ZNF536: variants seen among roughly 807,000 people sequenced by gnomAD.
ZNF536 encodes the protein zinc finger protein 536.
ZNF536 carries 13 observed loss-of-function variants against 84.5 expected under a neutral mutation model. The ratio of observed to expected loss-of-function variants is 0.15; its 90% CI spans 0.10 to 0.24. The LOEUF (loss-of-function observed/expected upper bound fraction) is 0.24. Among genes scored for constraint, ZNF536 ranks in the 10% least tolerant of loss-of-function variants. The pLI, the probability that ZNF536 is intolerant of heterozygous loss-of-function variation, is 1.00. For missense variants in ZNF536, 1,536 were observed against 1,747.5 expected (o/e 0.88, Z 2.16); for synonymous variants, 811 against 742.5 (o/e 1.09, Z -1.50).
chr19:30,552,699 C>A (rs542326843), intron 4 of ZNF536, among the ~76,000 whole-genome samples: 1 of 152,332 alleles, frequency 6.6e-6, no homozygotes, highest in African/African-American at 2.4e-5. Flanking sequence ...GTGTGCCCTG[C>A]CCATCCTAAC....
chr19:30,233,237 C>T (rs565325658), intron 1 of ZNF536, among the ~76,000 whole-genome samples: 2 of 152,292 alleles, frequency 1.3e-5, no homozygotes, highest in South Asian at 2.1e-4. Context: ...AGAACCCCAT[C>T]CCTGGCCCCT....
intron 1 of ZNF536, among the ~76,000 whole-genome samples, chr19:30,257,802 C>T (rs1271586794): frequency 6.6e-6 from 1 of 152,228 alleles, no homozygotes; most frequent in Non-Finnish European, 1.5e-5. Flanking sequence ...GGACCCATTG[C>T]AACTGGAGGA....
intron 1 of ZNF536, among the ~76,000 whole-genome samples, chr19:30,611,148 C>G (rs566074401): frequency 6.6e-6 from 1 of 152,246 alleles, no homozygotes; most frequent in African/African-American, 2.4e-5. Context: ...TCCTTCCAAA[C>G]CCTCTGGGGG....
At chr19:30,484,513 G>A (rs941392965) in intron 2 of ZNF536, among the ~76,000 whole-genome samples, 1 of 150,964 alleles carries the variant, frequency 6.6e-6, no homozygotes, top group Non-Finnish European at 1.5e-5. Flanking sequence ...TGGGATTACA[G>A]GCGTGAGCCA....
At chr19:30,284,363 C>G (rs757786566) in intron 2 of ZNF536, among the ~76,000 whole-genome samples, 15 of 152,232 alleles carry the variant, frequency 9.9e-5, no homozygotes, top group Non-Finnish European at 1.6e-4. Flanking sequence ...CCCCATGAGG[C>G]AAAGCCCAAC....
intron 1 of ZNF536, among the ~76,000 whole-genome samples, chr19:30,281,395 G>A (rs781427057): frequency 6.6e-6 from 1 of 152,184 alleles, no homozygotes; most frequent in Non-Finnish European, 1.5e-5. Flanking sequence ...CTCCAGCCCT[G>A]TCTCCACCAG....
At chr19:30,288,609 G>A (rs943713909) in intron 2 of ZNF536, among the ~76,000 whole-genome samples, 3 of 152,196 alleles carry the variant, frequency 2.0e-5, no homozygotes, top group Non-Finnish European at 4.4e-5. Flanking sequence ...CATAGCAAAG[G>A]TATAGGCTTT....
intron 1 of ZNF536, among the ~76,000 whole-genome samples, chr19:30,633,513 C>T (rs988350081): frequency 1.3e-5 from 2 of 152,082 alleles, no homozygotes; most frequent in African/African-American, 4.8e-5. Context: ...AACAAAAATT[C>T]AAATGTGTTC....
chr19:30,508,820 CTTTTTTTTTTT>C (rs914349353), intron 2 of ZNF536, among the ~76,000 whole-genome samples: 3 of 68,794 alleles, frequency 4.4e-5, no homozygotes, highest in East Asian at 4.0e-4. Context: ...TTCTTTCTTT[CTTTTTTTTTTT>C]TTTTTTTTTT....
At chr19:30,420,694 G>A (rs2050917000) in intron 1 of ZNF536, among the ~76,000 whole-genome samples, 1 of 151,972 alleles carries the variant, frequency 6.6e-6, no homozygotes, top group Non-Finnish European at 1.5e-5. Context: ...GAAAAAAAAA[G>A]TGTGGTTCAT....
At chr19:30,270,212 G>A (rs1286120541) in intron 1 of ZNF536, among the ~76,000 whole-genome samples, 1 of 152,120 alleles carries the variant, frequency 6.6e-6, no homozygotes, top group Non-Finnish European at 1.5e-5. Flanking sequence ...CAAATCTCTA[G>A]GCATGTCCCG....
intron 1 of ZNF536, among the ~76,000 whole-genome samples, chr19:30,391,640 G>C (rs1490969222): frequency 2.0e-5 from 3 of 152,110 alleles, no homozygotes; most frequent in African/African-American, 7.2e-5. Context: ...TATTCCTGGC[G>C]CTTAATTGTA....
At chr19:30,267,705 C>G (rs1254864335) in intron 1 of ZNF536, among the ~76,000 whole-genome samples, 1 of 152,172 alleles carries the variant, frequency 6.6e-6, no homozygotes, top group Non-Finnish European at 1.5e-5. Context: ...GGGAGTATCA[C>G]CAGTTCATGA....
At chr19:30,326,642 C>A (rs1385155086) in intron 2 of ZNF536, among the ~76,000 whole-genome samples, 1 of 151,990 alleles carries the variant, frequency 6.6e-6, no homozygotes, top group Non-Finnish European at 1.5e-5. Context: ...CAGTGTGAAG[C>A]TTTCAGTGTG....
At chr19:30,309,374 G>C (rs989673447) in intron 2 of ZNF536, among the ~76,000 whole-genome samples, 5 of 152,210 alleles carry the variant, frequency 3.3e-5, no homozygotes, top group African/African-American at 1.2e-4. Flanking sequence ...GATTTTGTTA[G>C]TATGTAGGTC....
intron 3 of ZNF536, among the ~76,000 whole-genome samples, chr19:30,353,856 A>T (rs1200952393): frequency 6.6e-6 from 1 of 152,162 alleles, no homozygotes; most frequent in East Asian, 1.9e-4. Context: ...TGCCACGCGG[A>T]TGCTCACAGT....
intron 2 of ZNF536, among the ~76,000 whole-genome samples, chr19:30,489,061 G>A (rs568942947): frequency 2.6e-5 from 4 of 152,200 alleles, no homozygotes; most frequent in Admixed American, 2.6e-4. Context: ...CCCCCTTGTG[G>A]AATCACTGGG....
intron 1 of ZNF536, among the ~76,000 whole-genome samples, chr19:30,274,439 A>C (rs760407748): frequency 1.4e-4 from 21 of 152,236 alleles, no homozygotes; most frequent in Non-Finnish European, 4.4e-5. Flanking sequence ...AAGTATAAAG[A>C]ATATTAATGA....
intron 1 of ZNF536, among the ~76,000 whole-genome samples, chr19:30,680,624 T>TG (rs1220876769): frequency 6.6e-6 from 1 of 152,182 alleles, no homozygotes; most frequent in African/African-American, 2.4e-5. Context: ...GATGTATATG[T>TG]GCCACATTTT....
Sources: gnomAD v4.1 joint callset for allele counts (sites outside exome capture counted in the v4.1 genomes callset) on GRCh38, gnomAD v4.1.1 for gene constraint, MANE v1.5 for transcripts, NCBI Gene and HGNC (gene_info 2026-07-23, HGNC 2026-07-21) for gene names.